Variants in HNRNPC observed in about 807,000 individuals in gnomAD.
The protein encoded by HNRNPC is heterogeneous nuclear ribonucleoprotein C.
Under a neutral mutation model 33.2 loss-of-function variants are expected in HNRNPC, and 3 were observed. The observed-to-expected ratio is 0.09, with a 90% confidence interval of 0.04 to 0.23. The LOEUF (loss-of-function observed/expected upper bound fraction) is 0.23. HNRNPC is among the 10% of genes least tolerant of loss of function. The pLI, the probability that HNRNPC is intolerant of heterozygous loss-of-function variation, is 1.00. For synonymous variants in HNRNPC, 121 were observed against 126.7 expected (o/e 0.96, Z 0.30); for missense variants, 143 against 366.7 (o/e 0.39, Z 4.98).
intron 5 of HNRNPC, among the ~76,000 whole-genome samples, chr14:21,219,526 C>A (rs1045024992): frequency 6.6e-6 from 1 of 152,204 alleles, no homozygotes; most frequent in Non-Finnish European, 1.5e-5. Context: ...TCTCATACTA[C>A]TTCAACTATT....
intron 5 of HNRNPC, among the ~76,000 whole-genome samples, chr14:21,226,729 A>T (rs1893484039): frequency 6.6e-6 from 1 of 151,746 alleles, no homozygotes. Flanking sequence ...AAAATACAAA[A>T]ATTAGTTGTG....
intron 2 of HNRNPC, chr14:21,262,731 A>C (rs1267888341): frequency 6.6e-6 from 1 of 152,250 alleles, no homozygotes; most frequent in African/African-American, 2.4e-5. Flanking sequence ...GTACAGGAAA[A>C]GCAGGATGGG....
intron 2 of HNRNPC, among the ~76,000 whole-genome samples, chr14:21,257,653 AT>A (rs959305091): frequency 6.6e-6 from 1 of 152,044 alleles, no homozygotes. Context: ...TGGCGCAATC[AT>A]AACTCACACT....
intron 2 of HNRNPC, among the ~76,000 whole-genome samples, chr14:21,246,266 T>A (rs1451351100): frequency 6.6e-6 from 1 of 152,030 alleles, no homozygotes; most frequent in Non-Finnish European, 1.5e-5. Context: ...TGAAAATAAA[T>A]GATGCCTCAA....
chr14:21,255,464 GCA>G lies in HNRNPC; in HGVS notation c.-37+7845_-37+7846del, dbSNP rs1877013166. ...CAAGCTCTCCCAAATGTTGATACAG[GCA>G]ACACGGTAGTCTATGTGCTCAAATG... On this transcript the variant is annotated intron_variant, in intron 2 of 8. Transcript: ENST00000553300. Among the ~76,000 whole-genome samples, 3 of 152,286 alleles carry G rather than the reference GCA, an allele frequency of 2.0e-5. No individual in the cohort carries two copies. In the South Asian group the frequency reaches 6.2e-4, roughly 32 times the overall value.
In HNRNPC at chr14:21,239,322, T is replaced by C. The variant is rs116636435; in HGVS notation, c.-36-5093A>G. Among the ~76,000 whole-genome samples the C allele has an allele frequency of 8.2e-3, 1,215 of 148,828 alleles. 19 individuals carry two copies. The highest frequency in any genetic ancestry group is 0.029 in the African/African-American group (1,159 of 40,490). On this transcript the variant is annotated intron_variant, in intron 2 of 8. Coordinates refer to ENST00000553300, the MANE Select transcript of HNRNPC (RefSeq NM_004500.4). ...TGAAACACCATCTGTACTAAAAATA[T>C]GAAAATAATTAGCGGGGTATGGTGG... is the stretch of plus-strand genomic sequence containing the variant.
At chr14:21,215,723 C>A (rs1238460751) in intron 5 of HNRNPC, among the ~76,000 whole-genome samples, 2 of 151,864 alleles carry the variant, frequency 1.3e-5, no homozygotes, top group Non-Finnish European at 2.9e-5. Context: ...CATGGGGAAA[C>A]CCCGTGTATA....
At chr14:21,265,474 C>T (rs1878821247) in intron 1 of HNRNPC, 2 of 152,038 alleles carry the variant, frequency 1.3e-5, no homozygotes, top group African/African-American at 4.8e-5. Context: ...GAAGAGCTAC[C>T]ACTCATAAAA....
intron 5 of HNRNPC, among the ~76,000 whole-genome samples, chr14:21,215,955 A>C (rs1055846693): frequency 2.0e-5 from 3 of 151,016 alleles, no homozygotes; most frequent in African/African-American, 7.3e-5. Context: ...AGAAAAAAAA[A>C]ACAACAAAAC....
At chr14:21,220,193 G>A (rs1298898406) in intron 5 of HNRNPC, among the ~76,000 whole-genome samples, 1 of 150,908 alleles carries the variant, frequency 6.6e-6, no homozygotes, top group Admixed American at 6.6e-5. Context: ...TGCGTCACGT[G>A]ATGTCTTTAA....
At chr14:21,249,804 G>C (rs76376121) in intron 2 of HNRNPC, among the ~76,000 whole-genome samples, 3,320 of 152,080 alleles carry the variant, frequency 0.022, 119 homozygotes, top group African/African-American at 0.076. Context: ...CTCTAACGTA[G>C]AGCAACTTCT....
At chr14:21,268,125 A>G (rs867307225) in intron 1 of HNRNPC, among the ~76,000 whole-genome samples, 1 of 152,224 alleles carries the variant, frequency 6.6e-6, no homozygotes, top group Non-Finnish European at 1.5e-5. Flanking sequence ...TGAGGATTAA[A>G]AAAAGCGATG....
chr14:21,212,922 C>G, intron 6 of HNRNPC, 38 bp downstream of exon 6: 2 of 1,609,726 alleles, frequency 1.2e-6, no homozygotes, highest in Non-Finnish European at 1.7e-6. Context: ...TCTCAAAACA[C>G]AAGAGATACC....
chr14:21,228,730 A>C (rs1384414575), intron 5 of HNRNPC, among the ~76,000 whole-genome samples: 2 of 152,034 alleles, frequency 1.3e-5, no homozygotes, highest in Non-Finnish European at 2.9e-5. Context: ...TTTCAACAAA[A>C]ATAAAAATGA....
chr14:21,238,517 C>T (rs11156892), intron 2 of HNRNPC, among the ~76,000 whole-genome samples: 28,962 of 152,058 alleles, frequency 0.19, 3,309 homozygotes, highest in African/African-American at 0.3. Flanking sequence ...CTTGGGATTT[C>T]TGTAGGAAAA....
At chr14:21,244,081 T>A (rs1290104893) in intron 2 of HNRNPC, among the ~76,000 whole-genome samples, 1 of 152,052 alleles carries the variant, frequency 6.6e-6, no homozygotes, top group Non-Finnish European at 1.5e-5. Context: ...CAGGCTGGAT[T>A]GCAGTGTTGC....
At chr14:21,241,924 T>C (rs1895391887) in intron 2 of HNRNPC, among the ~76,000 whole-genome samples, 1 of 152,210 alleles carries the variant, frequency 6.6e-6, no homozygotes. Flanking sequence ...TATGTTTAAG[T>C]ATTAGAACTA....
intron 3 of HNRNPC, among the ~76,000 whole-genome samples, chr14:21,233,068 A>G (rs1173758436): frequency 6.6e-6 from 1 of 152,070 alleles, no homozygotes; most frequent in Non-Finnish European, 1.5e-5. Flanking sequence ...TATATTGTCT[A>G]TTTGCTGAAC....
In HNRNPC at chr14:21,260,880, T is replaced by C. The variant is rs193153194; in HGVS notation, c.-37+2431A>G. On this transcript the variant is annotated intron_variant, in intron 2 of 8. Transcript: ENST00000553300. The stretch of plus-strand genomic sequence containing the variant: ...CGGGAGGCTGAGGCAGGAGAATCGC[T>C]TGAACCCGGGAGGTGGAGGTTGCAG... 6.2e-4 allele frequency among the ~76,000 whole-genome samples: 93 copies of C among 150,908 alleles called. 1 individual carries two copies. In the East Asian group the frequency reaches 0.017, roughly 27 times the overall value.
Sources: allele counts gnomAD v4.1 joint callset (sites outside exome capture counted in the v4.1 genomes callset), GRCh38; gene constraint gnomAD v4.1.1; transcripts MANE v1.5; gene names NCBI Gene and HGNC (gene_info 2026-07-23, HGNC 2026-07-21).